Variants in SLC22A15 observed in about 807,000 individuals in gnomAD.
SLC22A15 encodes the protein flipt 1.
Under a neutral mutation model 62.7 loss-of-function variants are expected in SLC22A15, and 45 were observed. The observed-to-expected ratio is 0.72, with a 90% CI of 0.56 to 0.92. The LOEUF is 0.92. SLC22A15 is among the 40% of genes least tolerant of loss of function. The pLI is 0.00. For missense variants in SLC22A15, 622 were observed against 665.6 expected (o/e 0.93, Z 0.72); for synonymous variants, 264 against 267.0 (o/e 0.99, Z 0.11).
chr1:116,014,629 C>T (rs186791561), intron 2 of SLC22A15, among the ~76,000 whole-genome samples: 40 of 152,258 alleles, frequency 2.6e-4, no homozygotes, highest in Non-Finnish European at 4.6e-4. Context: ...AAAGAACATT[C>T]ATTCTGTGGC....
intron 3 of SLC22A15, among the ~76,000 whole-genome samples, chr1:116,020,167 ACTGT>A (rs1304103491): frequency 2.6e-5 from 4 of 152,086 alleles, no homozygotes; most frequent in Non-Finnish European, 4.4e-5. Flanking sequence ...ATAATTGAAA[ACTGT>A]CTGTGATTGA....
In SLC22A15 at chr1:116,067,121, T is replaced by G; in HGVS notation, c.*13T>G. 6.2e-7 allele frequency: 1 copy of G among 1,602,318 alleles called. No individual in the cohort carries two copies. Among genetic ancestry groups the G allele is most frequent in the Non-Finnish European group, 8.5e-7 (1 of 1,172,830 alleles). On this transcript the variant is annotated 3_prime_UTR_variant, in exon 12 of 12. Transcript: ENST00000369503. ...GATGATCAAGTGAAGAGCCCCAGAT[T>G]CCCCCTAAGAAGCAAAGGATCGTCT...
In SLC22A15 at chr1:116,068,940, C is replaced by G. The variant is rs75704039; in HGVS notation, c.*1832C>G. ...TCTTTGTATTATAAGAGTAATATAT[C>G]TCATTACAGAAAATTTGGAAACTAT... On this transcript the variant is annotated 3_prime_UTR_variant, in exon 12 of 12. Transcript: ENST00000369503. The G allele has an allele frequency of 6.6e-6, 1 of 152,134 alleles. No homozygotes were observed. Among genetic ancestry groups the G allele is most frequent in the Non-Finnish European group, 1.5e-5 (1 of 68,026 alleles). 9.4% of individuals were successfully genotyped at this position (152,134 alleles called of 1,614,324 possible). A position where few individuals can be genotyped will look rare whatever the true frequency, so the allele number is the denominator to read the frequency against.
At chr1:116,001,110 G>C (rs1300679851) in intron 2 of SLC22A15, among the ~76,000 whole-genome samples, 2 of 152,012 alleles carry the variant, frequency 1.3e-5, no homozygotes, top group African/African-American at 4.8e-5. Flanking sequence ...ACTAGTCTAG[G>C]ATAAAAGTCT....
At chr1:115,981,090 A>T (rs571990426) in intron 1 of SLC22A15, among the ~76,000 whole-genome samples, 1 of 152,292 alleles carries the variant, frequency 6.6e-6, no homozygotes, top group Admixed American at 6.5e-5. Context: ...ACGTGGCACC[A>T]TGTCCCTCCA....
intron 1 of SLC22A15, among the ~76,000 whole-genome samples, chr1:115,991,579 T>C (rs915473702): frequency 1.1e-4 from 17 of 152,218 alleles, no homozygotes; most frequent in African/African-American, 3.9e-4. Flanking sequence ...GAAAGTCTCT[T>C]GTTTAGATCA....
At chr1:115,987,072 G>C (rs1222086389) in intron 1 of SLC22A15, among the ~76,000 whole-genome samples, 1 of 152,068 alleles carries the variant, frequency 6.6e-6, no homozygotes, top group East Asian at 1.9e-4. Context: ...TGGAATGCTA[G>C]AAAACTTATC....
At chr1:116,058,076 GA>G (rs902502758) in intron 8 of SLC22A15, among the ~76,000 whole-genome samples, 85 of 127,114 alleles carry the variant, frequency 6.7e-4, no homozygotes, top group African/African-American at 1.5e-3. Context: ...TAATAATACT[GA>G]AAAAAAAAGA....
chr1:115,992,003 G>A (rs1355309680), intron 1 of SLC22A15, 28 bp from the exon 2 acceptor site: 16 of 1,600,036 alleles, frequency 1.0e-5, no homozygotes, highest in Non-Finnish European at 1.3e-5. Flanking sequence ...TATCTGCAGT[G>A]TTTGGTTCTG....
chr1:116,048,273 C>T (rs1337269991), intron 8 of SLC22A15, among the ~76,000 whole-genome samples: 1 of 152,188 alleles, frequency 6.6e-6, no homozygotes, highest in Non-Finnish European at 1.5e-5. Flanking sequence ...CACCTAGGCC[C>T]ATTGTCATCA....
At chr1:116,020,611 G>A (rs1656779221) in intron 3 of SLC22A15, 110 bp from the exon 4 acceptor site, 4 of 959,780 alleles carry the variant, frequency 4.2e-6, no homozygotes, top group African/African-American at 3.4e-5. Context: ...AAACAGCTCA[G>A]AAAATTTAAG....
At chr1:116,064,098 G>T (rs753999515) in intron 9 of SLC22A15, among the ~76,000 whole-genome samples, 36 of 152,174 alleles carry the variant, frequency 2.4e-4, no homozygotes, top group Non-Finnish European at 4.0e-4. Context: ...ATCCTTTGTG[G>T]ATCCACTGTC....
intron 2 of SLC22A15, among the ~76,000 whole-genome samples, chr1:115,994,449 A>G (rs1655318748): frequency 6.6e-6 from 1 of 152,198 alleles, no homozygotes; most frequent in Non-Finnish European, 1.5e-5. Flanking sequence ...GCTCTTAATT[A>G]TTGTGCTTTT....
chr1:116,021,854 T>G (rs1297178613), intron 4 of SLC22A15, among the ~76,000 whole-genome samples: 1 of 152,222 alleles, frequency 6.6e-6, no homozygotes, highest in Non-Finnish European at 1.5e-5. Context: ...GGGCCAGAAC[T>G]GCAACCTGGG....
In SLC22A15 at chr1:116,020,888, A is replaced by G. The variant is rs780644481; in HGVS notation, c.598+3A>G. On this transcript the variant is annotated splice_donor_region_variant and intron_variant, in intron 4 of 11. Transcript: ENST00000369503. ...CACCGCCTACTGGGCACTTGCAGGT[A>G]CTACTTAAATCATGCAGCTCTGGAC... The G allele has an allele frequency of 6.2e-7, 1 of 1,610,260 alleles. No homozygotes were observed. Among genetic ancestry groups the G allele is most frequent in the East Asian group, 2.2e-5 (1 of 44,774 alleles).
At chr1:115,983,609 G>A (rs576793981) in intron 1 of SLC22A15, among the ~76,000 whole-genome samples, 7 of 152,350 alleles carry the variant, frequency 4.6e-5, no homozygotes, top group African/African-American at 7.2e-5. Context: ...TGCAGGACAG[G>A]CAGTCGAGAA....
chr1:116,037,503 T>A, intron 8 of SLC22A15, 115 bp downstream of exon 8: 2 of 808,026 alleles, frequency 2.5e-6, no homozygotes, highest in South Asian at 3.1e-5. Context: ...GCATATTGTT[T>A]AGCAATTGTG....
At chr1:116,051,575 A>C (rs528988510) in intron 8 of SLC22A15, among the ~76,000 whole-genome samples, 1 of 152,374 alleles carries the variant, frequency 6.6e-6, no homozygotes, top group African/African-American at 2.4e-5. Flanking sequence ...AGATGGATTA[A>C]GGACTTAAAT....
intron 1 of SLC22A15, among the ~76,000 whole-genome samples, chr1:115,982,680 CAGT>C (rs1654668161): frequency 6.6e-6 from 1 of 152,154 alleles, no homozygotes; most frequent in Non-Finnish European, 1.5e-5. Context: ...GATTGTTTAT[CAGT>C]CTTCTCAAGC....
Sources: allele counts gnomAD v4.1 joint callset (sites outside exome capture counted in the v4.1 genomes callset), GRCh38; gene constraint gnomAD v4.1.1; transcripts MANE v1.5; gene names NCBI Gene and HGNC (gene_info 2026-07-23, HGNC 2026-07-21).